TIAM1: variants seen among roughly 807,000 people sequenced by gnomAD.
TIAM1 encodes the protein rho guanine nucleotide exchange factor TIAM1.
TIAM1 carries 65 observed loss-of-function variants against 163.5 expected under a neutral mutation model. The observed-to-expected ratio is 0.40, with a 90% CI of 0.33 to 0.49. The LOEUF (loss-of-function observed/expected upper bound fraction) is 0.49, where lower values mean the gene tolerates loss of function less well. TIAM1 is among the 20% of genes least tolerant of loss of function. The pLI is 0.77. For synonymous variants in TIAM1, 833 were observed against 810.1 expected, an observed-to-expected ratio of 1.03 and a Z score of -0.48; for missense variants, 1,789 against 2,044.7, an observed-to-expected ratio of 0.87 and a Z score of 2.41.
Position 31,141,308 on chromosome 21 carries a change from C to T in TIAM1, c.3655+17G>A. 1 of 1,613,728 alleles carries T rather than the reference C, an allele frequency of 6.2e-7. No homozygotes were observed. Among genetic ancestry groups the T allele is most frequent in the Non-Finnish European group, 8.5e-7 (1 of 1,179,734 alleles). ...ATGGAGACTCAGGCCTGCCGGGGGT[C>T]CCAGGCCGAGGCCTACCGTCCAGGT... On this transcript the variant is annotated intron_variant, in intron 21 of 27. Transcript: ENST00000541036. This position sits in a 1 kb window ranked among gnomAD's most constrained non-coding sequence, Gnocchi z 4.7.
At chr21:31,216,575 C>G (rs73351573) in intron 9 of TIAM1, among the ~76,000 whole-genome samples, 3,485 of 152,254 alleles carry the variant, frequency 0.023, 148 homozygotes, top group African/African-American at 0.08. Context: ...TAACAACAGA[C>G]AGTGGGCTTC....
At chr21:31,407,764 TAG>T (rs1297171210) in intron 2 of TIAM1, among the ~76,000 whole-genome samples, 1 of 150,306 alleles carries the variant, frequency 6.7e-6, no homozygotes, top group African/African-American at 2.5e-5. Flanking sequence ...GCCTCCAGAG[TAG>T]CTGATATTAC....
At chr21:31,358,156 G>A (rs956569300) in intron 2 of TIAM1, among the ~76,000 whole-genome samples, 1 of 152,188 alleles carries the variant, frequency 6.6e-6, no homozygotes, top group Non-Finnish European at 1.5e-5. Context: ...GCATCCCAGG[G>A]TAGGCCATAT....
intron 1 of TIAM1, among the ~76,000 whole-genome samples, chr21:31,548,098 A>T (rs930925716): frequency 6.6e-6 from 1 of 150,816 alleles, no homozygotes; most frequent in Non-Finnish European, 1.5e-5. Context: ...AGACATTTCA[A>T]CATGTGATCT....
chr21:31,452,891 C>A, intron 2 of TIAM1: 1 of 515,780 alleles, frequency 1.9e-6, no homozygotes, highest in South Asian at 1.5e-5. Context: ...TTTGGTATGA[C>A]GATGTCCTGA....
intron 2 of TIAM1, among the ~76,000 whole-genome samples, chr21:31,384,004 A>C (rs2076824004): frequency 6.6e-6 from 1 of 152,112 alleles, no homozygotes. Flanking sequence ...ATCATATGCA[A>C]TCGAGCACCT....
At chr21:31,151,426 C>G (rs184167289) in intron 19 of TIAM1, among the ~76,000 whole-genome samples, 1 of 152,290 alleles carries the variant, frequency 6.6e-6, no homozygotes, top group East Asian at 1.9e-4. Context: ...ATGGACGGAT[C>G]TCAGTACAAC....
intron 2 of TIAM1, among the ~76,000 whole-genome samples, chr21:31,387,990 G>A (rs140111474): frequency 2.3e-3 from 353 of 152,042 alleles, no homozygotes; most frequent in African/African-American, 7.0e-3. Flanking sequence ...AAAAGTGTGT[G>A]GCACCTTCTC....
intron 1 of TIAM1, among the ~76,000 whole-genome samples, chr21:31,549,347 A>C (rs531676507): frequency 6.6e-6 from 1 of 152,354 alleles, no homozygotes; most frequent in African/African-American, 2.4e-5. Flanking sequence ...TTTAAAAATA[A>C]ATATGCATAG....
intron 25 of TIAM1, among the ~76,000 whole-genome samples, chr21:31,128,570 A>C (rs2082296160): frequency 6.6e-6 from 1 of 152,204 alleles, no homozygotes; most frequent in Non-Finnish European, 1.5e-5. Flanking sequence ...CTACGATTCT[A>C]AGTAAGACTT....
chr21:31,496,639 A>C (rs934478737), intron 1 of TIAM1, among the ~76,000 whole-genome samples: 1 of 152,100 alleles, frequency 6.6e-6, no homozygotes, highest in African/African-American at 2.4e-5. Context: ...CATTTAGTGT[A>C]GCCTAAGTGT....
intron 3 of TIAM1, among the ~76,000 whole-genome samples, chr21:31,272,898 G>A (rs750734808): frequency 2.0e-5 from 3 of 152,098 alleles, no homozygotes; most frequent in Non-Finnish European, 2.9e-5. Context: ...GGTCCAAAAT[G>A]AGGTTAAATA....
intron 2 of TIAM1, among the ~76,000 whole-genome samples, chr21:31,359,866 G>C (rs76436667): frequency 8.3e-6 from 1 of 120,200 alleles, no homozygotes; most frequent in Admixed American, 9.1e-5. Flanking sequence ...GGAAGGAAGG[G>C]AGGGAGGGAG....
intron 19 of TIAM1, among the ~76,000 whole-genome samples, chr21:31,150,372 G>A (rs2083320622): frequency 6.6e-6 from 1 of 152,134 alleles, no homozygotes; most frequent in South Asian, 2.1e-4. Context: ...ACATTACACA[G>A]CTAGATTCCT....
intron 2 of TIAM1, among the ~76,000 whole-genome samples, chr21:31,295,655 T>C (rs1159907104): frequency 6.6e-6 from 1 of 152,058 alleles, no homozygotes; most frequent in East Asian, 1.9e-4. Context: ...TAACAGGTTA[T>C]CCTAGTACTC....
intron 2 of TIAM1, among the ~76,000 whole-genome samples, chr21:31,393,301 G>GA (rs1351842964): frequency 1.3e-5 from 2 of 152,142 alleles, no homozygotes; most frequent in Admixed American, 1.3e-4. Flanking sequence ...TTACAGCAAT[G>GA]AAAAACCGAT....
In TIAM1 at chr21:31,182,425, G is replaced by A; in HGVS notation, c.2883C>T (p.Asn961=). The change falls in exon 15 of 28, where the codon AAC becomes AAT. Residue 961 remains asparagine (N), a synonymous_variant. Coordinates refer to ENST00000541036, the MANE Select transcript of TIAM1 (RefSeq NM_001353694.2). ...CAGCACCCTGCACAGCCATACCTGG[G>A]TTGCTGGTGAGAAAGGCGAGGGGGC... ...GESPLAFLTS[N]PGHSLCSEQG... is the part of the protein sequence containing the mutation. The A allele has an allele frequency of 6.4e-7, 1 of 1,568,490 alleles. No individual in the cohort carries two copies. Among genetic ancestry groups the A allele is most frequent in the Non-Finnish European group, 8.6e-7 (1 of 1,159,236 alleles).
rs398040071 is a variant in TIAM1, at chr21:31,215,568, G to GAAAA, written c.2142+1981_2142+1984dup. Among the ~76,000 whole-genome samples the GAAAA allele has an allele frequency of 3.0e-3, 223 of 75,504 alleles. 1 individual carries two copies. Among genetic ancestry groups the GAAAA allele is most frequent in the Middle Eastern group, 7.9e-3 (1 of 126 alleles). The allele number at this position is 75,504 out of a possible 152,430, so 49.5% of individuals were successfully genotyped here. ...CAGAGTGAGACTCTGTCTCAAAAAAGAAAAAAAAAAAAAAAAAAAAAGAAG... is the reference window on the plus strand; with the variant it reads ...CAGAGTGAGACTCTGTCTCAAAAAAGAAAAAAAAAAAAAAAAAAAAAAAAAGAAG... On this transcript the variant is annotated intron_variant, in intron 9 of 27. Coordinates refer to ENST00000541036, the MANE Select transcript of TIAM1 (RefSeq NM_001353694.2).
intron 2 of TIAM1, among the ~76,000 whole-genome samples, chr21:31,421,844 G>A (rs1320999925): frequency 3.3e-5 from 5 of 152,000 alleles, no homozygotes; most frequent in Non-Finnish European, 7.4e-5. Context: ...AAAAAAATTA[G>A]TCAGGCATGG....
Sources: gnomAD v4.1 joint callset for allele counts (sites outside exome capture counted in the v4.1 genomes callset) on GRCh38, gnomAD v4.1.1 for gene constraint, Gnocchi (gnomAD v3.1) non-coding constraint, MANE v1.5 for transcripts, NCBI Gene and HGNC (gene_info 2026-07-23, HGNC 2026-07-21) for gene names.